SERPINE2: variants seen among roughly 807,000 people sequenced by gnomAD.
SERPINE2 encodes the protein serpin family E member 2.
In SERPINE2, 14 loss-of-function variants were observed where a neutral mutation model predicts 36.3. The observed-to-expected ratio is 0.39, with a 90% CI of 0.25 to 0.60. The LOEUF is 0.60. SERPINE2 is among the 20% of genes least tolerant of loss of function. SERPINE2 has a pLI of 0.57. For missense variants in SERPINE2, 418 were observed against 499.6 expected, an observed-to-expected ratio of 0.84 and a Z score of 1.56; for synonymous variants, 192 against 191.8, an observed-to-expected ratio of 1.00 and a Z score of -0.01.
intron 1 of SERPINE2, chr2:224,038,599 C>A (rs977588985): frequency 1.5e-5 from 17 of 1,155,436 alleles, no homozygotes; most frequent in Non-Finnish European, 1.9e-5. Context: ...AAAGGCTTTC[C>A]CCACACCGCG....
intron 8 of SERPINE2, among the ~76,000 whole-genome samples, chr2:223,976,481 A>C (rs1271526493): frequency 6.6e-6 from 1 of 152,050 alleles, no homozygotes; most frequent in African/African-American, 2.4e-5. Flanking sequence ...TTAATGTTAA[A>C]TAGCCACATG....
Position 224,002,063 on chromosome 2 carries a change from G to A in SERPINE2, c.-22-141C>T, listed in dbSNP as rs1691199278. The A allele has an allele frequency of 1.2e-5, 9 of 739,130 alleles. No homozygotes were observed. The South Asian group carries it at 1.4e-4, about 11-fold the overall frequency. The allele number at this position is 739,130 out of a possible 1,614,324, so 45.8% of individuals were successfully genotyped here. A position where few individuals can be genotyped will look rare whatever the true frequency, so the allele number is the denominator to read the frequency against. On this transcript the variant is annotated intron_variant, in intron 1 of 8. Coordinates refer to ENST00000409304, the MANE Select transcript of SERPINE2 (RefSeq NM_001136528.2). The stretch of plus-strand genomic sequence containing the variant: ...GCCATCTCAGCTCACTGCAACCTCC[G>A]CCTCCTGGGTTCAAGCAATTCTCCT...
At chr2:224,038,583 C>T (rs1283411189) in intron 1 of SERPINE2, 2 of 1,370,420 alleles carry the variant, frequency 1.5e-6, no homozygotes. Context: ...TGCCAGAGGC[C>T]AAGTTAAAGG....
At position 223,982,759 on chromosome 2, in the gene SERPINE2, C is replaced by CT. The variant is rs749567670; in HGVS notation, c.906dup (p.Asp303ArgfsTer13). The CT allele has an allele frequency of 6.2e-7, 1 of 1,613,708 alleles. No individual in the cohort carries two copies. The highest frequency in any genetic ancestry group is 8.5e-7 in the Non-Finnish European group (1 of 1,179,848). ...AGAACTTTCAGCGGCTCCTTCAAAT[C>CT]TGTTTGTGCTACAGCTGTGAACCTA... On this transcript the variant is annotated frameshift_variant, in exon 6 of 9. Transcript: ENST00000409304. LOFTEE classifies it high-confidence loss of function.
chr2:224,025,772 G>A (rs1692161453), intron 1 of SERPINE2, among the ~76,000 whole-genome samples: 1 of 152,124 alleles, frequency 6.6e-6, no homozygotes, highest in African/African-American at 2.4e-5. Context: ...ACCTACCCTA[G>A]GCCATCAGAA....
At chr2:224,019,074 A>G (rs887231267) in intron 1 of SERPINE2, among the ~76,000 whole-genome samples, 1 of 152,154 alleles carries the variant, frequency 6.6e-6, no homozygotes, top group Non-Finnish European at 1.5e-5. Context: ...TTCCACAGAC[A>G]GGAGGCCCCC....
chr2:224,019,066 C>T lies in SERPINE2; in HGVS notation c.-22-17144G>A, dbSNP rs1247669855. 3.3e-5 allele frequency among the ~76,000 whole-genome samples: 5 copies of T among 152,282 alleles called. No homozygotes were observed. In the East Asian group the frequency reaches 9.7e-4, roughly 29 times the overall value. On this transcript the variant is annotated intron_variant, in intron 1 of 8. Coordinates refer to ENST00000409304, the MANE Select transcript of SERPINE2 (RefSeq NM_001136528.2). ...TCTGGTCTGGATTTGGCTTCCTTTTCCACAGACAGGAGGCCCCCTCAACTG... is the reference window on the plus strand; with the variant it reads ...TCTGGTCTGGATTTGGCTTCCTTTTTCACAGACAGGAGGCCCCCTCAACTG...
chr2:224,005,065 T>TTATA (rs71058976), intron 1 of SERPINE2, among the ~76,000 whole-genome samples: 508 of 33,428 alleles, frequency 0.015, 10 homozygotes, highest in African/African-American at 0.042. Context: ...TTTATATATA[T>TTATA]TATATATATA....
chr2:223,991,917 C>G lies in SERPINE2; in HGVS notation c.571G>C (p.Gly191Arg). The change falls in exon 4 of 9, where the codon GGT (glycine) becomes CGT (arginine). Residue 191 changes from glycine (G) to arginine (R), a missense_variant. Coordinates refer to ENST00000409304, the MANE Select transcript of SERPINE2 (RefSeq NM_001136528.2). ...LVLVNAVYFK[G>R]LWKSRFQPEN... ...GGTTGGAACCGTGATTTCCACAGAC[C>G]CTTGAAATACACTGCGTTGACGAGG... 6.2e-7 allele frequency: 1 copy of G among 1,613,054 alleles called. No homozygotes were observed. The highest frequency in any genetic ancestry group is 8.5e-7 in the Non-Finnish European group (1 of 1,179,542).
At chr2:224,011,000 C>T (rs772576033) in intron 1 of SERPINE2, among the ~76,000 whole-genome samples, 2 of 152,086 alleles carry the variant, frequency 1.3e-5, no homozygotes, top group African/African-American at 2.4e-5. Context: ...TGCGTTTTGC[C>T]GTCTCTGTAA....
chr2:224,007,711 C>G (rs1306953954), intron 1 of SERPINE2, among the ~76,000 whole-genome samples: 2 of 152,080 alleles, frequency 1.3e-5, no homozygotes, highest in African/African-American at 4.8e-5. Flanking sequence ...CACCTCTTGC[C>G]TTTGTTTTTT....
At chr2:223,980,216 A>G in intron 7 of SERPINE2, 95 bp downstream of exon 7, 2 of 1,023,134 alleles carry the variant, frequency 2.0e-6, no homozygotes, top group East Asian at 2.4e-5. Flanking sequence ...CTGGCTGGAA[A>G]GAGGGTGCAT....
At position 224,001,759 on chromosome 2, in the gene SERPINE2, G is replaced by A. The variant is rs1297133283; in HGVS notation, c.142C>T (p.His48Tyr). The A allele has an allele frequency of 1.2e-5, 20 of 1,614,012 alleles. No homozygotes were observed. The highest frequency in any genetic ancestry group is 1.6e-4 in the Middle Eastern group (1 of 6,084). ...VFNQIVKSRP[H>Y]DNIVISPHGI... ...TGGGGAGAGATCACGATGTTGTCAT[G>A]AGGCCTCGACTTCACAATCTGATTG... The change falls in exon 2 of 9, where the codon CAT becomes TAT. Residue 48 changes from histidine (H) to tyrosine (Y), a missense_variant. His to Tyr is a moderately conservative substitution (Grantham distance 83, BLOSUM62 2). Transcript: ENST00000409304.
chr2:224,015,740 C>T (rs2106185065), intron 1 of SERPINE2, among the ~76,000 whole-genome samples: 1 of 152,256 alleles, frequency 6.6e-6, no homozygotes, highest in South Asian at 2.1e-4. Context: ...CCTAAGTTGA[C>T]ATTAAAAGCC....
At chr2:224,014,877 T>C (rs1439269813) in intron 1 of SERPINE2, among the ~76,000 whole-genome samples, 2 of 152,162 alleles carry the variant, frequency 1.3e-5, no homozygotes, top group Non-Finnish European at 1.5e-5. Flanking sequence ...AGAATAGGCA[T>C]GAAAAGGGGC....
chr2:224,032,077 G>T (rs1692398301), intron 1 of SERPINE2, among the ~76,000 whole-genome samples: 1 of 152,178 alleles, frequency 6.6e-6, no homozygotes, highest in Non-Finnish European at 1.5e-5. Flanking sequence ...TAATGCAGTA[G>T]TTAATAGTTC....
At chr2:224,026,562 G>T (rs1347374991) in intron 1 of SERPINE2, among the ~76,000 whole-genome samples, 1 of 152,082 alleles carries the variant, frequency 6.6e-6, no homozygotes, top group Non-Finnish European at 1.5e-5. Context: ...AACTCTTAAT[G>T]ATTTTGTAAG....
intron 1 of SERPINE2, among the ~76,000 whole-genome samples, chr2:224,015,631 G>A (rs1026225817): frequency 8.5e-5 from 13 of 152,208 alleles, no homozygotes; most frequent in Admixed American, 6.5e-5. Flanking sequence ...CAACCGGACA[G>A]AAACTGGAAG....
chr2:223,981,282 T>C (rs1307082373), intron 6 of SERPINE2: 4 of 152,138 alleles, frequency 2.6e-5, no homozygotes, highest in African/African-American at 4.8e-5. Context: ...GGGCACCTGG[T>C]TCTTCCTGTG....
Sources: allele counts gnomAD v4.1 joint callset (sites outside exome capture counted in the v4.1 genomes callset), GRCh38; gene constraint gnomAD v4.1.1; transcripts MANE v1.5; gene names NCBI Gene and HGNC (gene_info 2026-07-23, HGNC 2026-07-21).